The following HYDIN variants were observed in gnomAD, a reference collection of about 807,000 sequenced individuals.
The protein encoded by HYDIN is axonemal central pair apparatus protein HYDIN.
A neutral mutation model predicts 403.9 loss-of-function variants in HYDIN; 132 were observed. The observed-to-expected ratio is 0.33, with a 90% CI of 0.28 to 0.38. The LOEUF is 0.38. Among genes scored for constraint, HYDIN ranks in the 10% least tolerant of loss-of-function variants. The pLI is 1.00. For synonymous variants in HYDIN, 1,202 were observed against 1,891.7 expected (o/e 0.64, Z 9.46); for missense variants, 2,827 against 5,009.5 (o/e 0.56, Z 13.15).
intron 18 of HYDIN, among the ~76,000 whole-genome samples, chr16:71,038,386 C>G (rs2081168242): frequency 1.3e-5 from 2 of 152,090 alleles, no homozygotes; most frequent in Non-Finnish European, 2.9e-5. Context: ...CAGAAGTGAA[C>G]ACCATTGTTT....
At chr16:70,903,021 A>T (rs2076439200) in intron 52 of HYDIN, among the ~76,000 whole-genome samples, 1 of 137,596 alleles carries the variant, frequency 7.3e-6, no homozygotes. Flanking sequence ...TAGTGGCATG[A>T]TCATGACTCA....
chr16:70,992,137 C>G lies in HYDIN; in HGVS notation c.3718G>C (p.Ala1240Pro). Residue 1240 changes from alanine (A) to proline (P), a missense_variant, in exon 24 of 86, where the codon GCT becomes CCT. Physicochemically the swap from Ala to Pro is conservative, Grantham distance 27 (BLOSUM62 -1). Coordinates refer to ENST00000393567, the MANE Select transcript of HYDIN (RefSeq NM_001270974.2). The stretch of plus-strand genomic sequence containing the variant: ...ACTAGGATTGCTGGTGGGCTGGCAG[C>G]CTCTGAGGTTGCTGGGATGGACTCC... ...QMESIPATSE[A>P]ASPPAILVTV... 6.2e-7 allele frequency: 1 copy of G among 1,612,316 alleles called. No homozygotes were observed. Among genetic ancestry groups the G allele is most frequent in the Non-Finnish European group, 8.5e-7 (1 of 1,179,254 alleles).
At chr16:71,082,705 T>A (rs558402715) in intron 12 of HYDIN, among the ~76,000 whole-genome samples, 71 of 130,638 alleles carry the variant, frequency 5.4e-4, no homozygotes, top group Non-Finnish European at 7.3e-4. Context: ...CCTTAACCTA[T>A]TTAGACATTG....
intron 13 of HYDIN, among the ~76,000 whole-genome samples, chr16:71,070,251 C>A (rs1183406993): frequency 2.1e-4 from 32 of 150,736 alleles, no homozygotes; most frequent in African/African-American, 7.6e-4. Context: ...TCTTTTCTTT[C>A]TTTCTTTCTT....
intron 1 of HYDIN, among the ~76,000 whole-genome samples, chr16:71,227,984 C>A (rs1382138230): frequency 6.6e-6 from 1 of 151,864 alleles, no homozygotes; most frequent in African/African-American, 2.4e-5. Flanking sequence ...TGGAACAGAA[C>A]GGAGCCCTCA....
chr16:70,806,709 T>C lies in HYDIN; in HGVS notation c.*871A>G, dbSNP rs1029262745. On this transcript the variant is annotated 3_prime_UTR_variant, in exon 86 of 86. Coordinates refer to ENST00000393567, the MANE Select transcript of HYDIN (RefSeq NM_001270974.2). ...CAGGTAGAGGCAGGGGGACCCTCCG[T>C]CAGAGGTGTATGTCTGCAGAAGCAA... 1.3e-5 allele frequency among the ~76,000 whole-genome samples: 2 copies of C among 152,238 alleles called. No homozygotes were observed. The highest frequency in any genetic ancestry group is 4.8e-5 in the African/African-American group (2 of 41,528).
At chr16:71,174,420 C>G (rs760129850) in intron 5 of HYDIN, among the ~76,000 whole-genome samples, 3 of 152,186 alleles carry the variant, frequency 2.0e-5, no homozygotes, top group Non-Finnish European at 2.9e-5. Flanking sequence ...CCACTGTGCT[C>G]TACTGACTCC....
intron 45 of HYDIN, among the ~76,000 whole-genome samples, chr16:70,932,212 G>A (rs1258368934): frequency 2.7e-5 from 4 of 147,746 alleles, no homozygotes; most frequent in South Asian, 2.2e-4. Context: ...AAAATTAGCC[G>A]AGTGTGGTGG....
chr16:71,185,804 A>C (rs888476951), intron 2 of HYDIN, among the ~76,000 whole-genome samples: 2 of 152,220 alleles, frequency 1.3e-5, no homozygotes, highest in Non-Finnish European at 2.9e-5. Flanking sequence ...ATGCTCAAGT[A>C]TATGCCAAGA....
intron 1 of HYDIN, among the ~76,000 whole-genome samples, chr16:71,197,275 T>C (rs770280662): frequency 3.3e-5 from 5 of 152,218 alleles, no homozygotes; most frequent in African/African-American, 4.8e-5. Context: ...TGCAAAGAAC[T>C]ATGTTAATTA....
chr16:71,075,504 A>C (rs1181395130), intron 13 of HYDIN, among the ~76,000 whole-genome samples: 1 of 151,972 alleles, frequency 6.6e-6, no homozygotes. Context: ...AACATCAAAA[A>C]TCCCATTCTA....
intron 1 of HYDIN, among the ~76,000 whole-genome samples, chr16:71,228,686 G>A (rs1470290309): frequency 6.6e-6 from 1 of 152,132 alleles, no homozygotes; most frequent in East Asian, 1.9e-4. Context: ...GGAGAAATAG[G>A]AACACTTTTA....
chr16:70,982,687 TAG>T (rs1567947930), intron 28 of HYDIN, among the ~76,000 whole-genome samples: 1 of 149,166 alleles, frequency 6.7e-6, no homozygotes, highest in Non-Finnish European at 1.5e-5. Context: ...TTAGTACATC[TAG>T]AGCTGCTCCA....
intron 84 of HYDIN, 28 bp from the exon 85 acceptor site, chr16:70,810,035 A>G (rs1394407508): frequency 6.2e-7 from 1 of 1,606,536 alleles, no homozygotes; most frequent in East Asian, 2.2e-5. Flanking sequence ...GGATCCTGTC[A>G]TGCTGAAAGG....
At chr16:71,189,425 T>G (rs1373806217) in intron 1 of HYDIN, among the ~76,000 whole-genome samples, 1 of 152,166 alleles carries the variant, frequency 6.6e-6, no homozygotes, top group African/African-American at 2.4e-5. Context: ...TACATCCAGC[T>G]GGTGTCATAA....
intron 1 of HYDIN, among the ~76,000 whole-genome samples, chr16:71,187,929 G>C (rs1308661569): frequency 6.6e-6 from 1 of 152,104 alleles, no homozygotes; most frequent in East Asian, 1.9e-4. Flanking sequence ...CTTAAGAAGA[G>C]AATAAAGTAA....
At chr16:71,192,940 C>T (rs2087507560) in intron 1 of HYDIN, among the ~76,000 whole-genome samples, 1 of 152,216 alleles carries the variant, frequency 6.6e-6, no homozygotes, top group South Asian at 2.1e-4. Flanking sequence ...ATCCTTTCCT[C>T]TCACATCCTG....
At chr16:70,931,531 C>T (rs1443655377) in intron 45 of HYDIN, among the ~76,000 whole-genome samples, 1 of 151,772 alleles carries the variant, frequency 6.6e-6, no homozygotes, top group Non-Finnish European at 1.5e-5. Context: ...AATATAGTCT[C>T]ATGCCCCAGC....
chr16:71,193,020 T>A (rs2087513453), intron 1 of HYDIN, among the ~76,000 whole-genome samples: 1 of 152,222 alleles, frequency 6.6e-6, no homozygotes, highest in Non-Finnish European at 1.5e-5. Context: ...GAAGGAAGGC[T>A]TTCTCTAGTG....
Sources: gnomAD v4.1 joint callset for allele counts (sites outside exome capture counted in the v4.1 genomes callset) on GRCh38, gnomAD v4.1.1 for gene constraint, MANE v1.5 for transcripts, NCBI Gene and HGNC (gene_info 2026-07-23, HGNC 2026-07-21) for gene names.